Variants in ANKRD13C observed in about 807,000 individuals in gnomAD.
ANKRD13C encodes ankyrin repeat domain 13C.
In ANKRD13C, 16 loss-of-function variants were observed where a neutral mutation model predicts 65.5. The observed-to-expected ratio is 0.24, with a 90% CI of 0.17 to 0.37. ANKRD13C has a LOEUF of 0.37. ANKRD13C is among the 10% of genes least tolerant of loss of function. The probability of loss-of-function intolerance (pLI) is 1.00; values close to 1 mark genes in which losing one functional copy is unlikely to be tolerated. For synonymous variants in ANKRD13C, 235 were observed against 238.7 expected, an observed-to-expected ratio of 0.98 and a Z score of 0.14; for missense variants, 503 against 655.9, an observed-to-expected ratio of 0.77 and a Z score of 2.55.
intron 7 of ANKRD13C, among the ~76,000 whole-genome samples, chr1:70,296,660 A>G (rs1680092965): frequency 6.6e-6 from 1 of 152,214 alleles, no homozygotes; most frequent in African/African-American, 2.4e-5. Flanking sequence ...TTTTCTTTCA[A>G]TACAGATTAA....
intron 7 of ANKRD13C, 35 bp from the exon 8 acceptor site, chr1:70,296,296 A>C (rs758133461): frequency 3.2e-4 from 513 of 1,592,826 alleles, no homozygotes; most frequent in Non-Finnish European, 4.3e-4. Flanking sequence ...ATAAAAATCT[A>C]GGTTTTTCAA....
At chr1:70,280,022 C>G (rs938871403) in intron 9 of ANKRD13C, among the ~76,000 whole-genome samples, 4 of 152,016 alleles carry the variant, frequency 2.6e-5, no homozygotes, top group African/African-American at 7.3e-5. Context: ...GAGAAAGAAG[C>G]CTGAAAAAGC....
chr1:70,332,818 C>T (rs1205177833), intron 2 of ANKRD13C, among the ~76,000 whole-genome samples: 1 of 152,094 alleles, frequency 6.6e-6, no homozygotes, highest in Non-Finnish European at 1.5e-5. Context: ...CATAATAGTA[C>T]ATCTATCTAA....
At chr1:70,300,267 G>A (rs867442032) in intron 7 of ANKRD13C, among the ~76,000 whole-genome samples, 5 of 152,152 alleles carry the variant, frequency 3.3e-5, no homozygotes, top group African/African-American at 1.2e-4. Flanking sequence ...GACCGGTCAA[G>A]ATGGAGACCA....
intron 11 of ANKRD13C, 73 bp downstream of exon 11, chr1:70,274,647 G>T: frequency 8.9e-7 from 1 of 1,124,466 alleles, no homozygotes; most frequent in Non-Finnish European, 1.3e-6. Flanking sequence ...CACCACTGGG[G>T]TGCAAATATT....
chr1:70,294,114 A>G (rs1365746119), intron 8 of ANKRD13C, among the ~76,000 whole-genome samples: 1 of 152,206 alleles, frequency 6.6e-6, no homozygotes, highest in Admixed American at 6.5e-5. Flanking sequence ...TTTCTACGAC[A>G]TACTAAAGAA....
rs779822481 is a variant in ANKRD13C at position 70,274,736 on chromosome 1, G to T, written c.1378C>A (p.Pro460Thr). The T allele has an allele frequency of 6.2e-7, 1 of 1,612,234 alleles. No individual in the cohort carries two copies. Among genetic ancestry groups the T allele is most frequent in the South Asian group, 1.1e-5 (1 of 91,022 alleles). The change falls in exon 11 of 13, where the codon CCC becomes ACC. Residue 460 changes from proline (P) to threonine (T), a missense_variant. Physicochemically the swap from Pro to Thr is conservative, Grantham distance 38. Coordinates refer to ENST00000370944, the MANE Select transcript of ANKRD13C (RefSeq NM_030816.5). ...KATIAMSQEF[P>T]LGIELLLNVL... ...CAAACTTACAACTCTATCCCTAAGG[G>T]AAATTCCTGGCTCATGGCTATCGTA...
At chr1:70,346,102 G>A (rs774603527) in intron 1 of ANKRD13C, among the ~76,000 whole-genome samples, 52 of 152,116 alleles carry the variant, frequency 3.4e-4, no homozygotes, top group Non-Finnish European at 6.9e-4. Flanking sequence ...AAAGTGCTGG[G>A]ATTACAGGTG....
chr1:70,292,580 A>C, intron 8 of ANKRD13C, 31 bp from the exon 9 acceptor site: 1 of 1,528,512 alleles, frequency 6.5e-7, no homozygotes, highest in Non-Finnish European at 8.8e-7. Context: ...TAAAAGTAAA[A>C]TTTTTAGGTT....
At chr1:70,272,143 T>C (rs1285478582) in intron 11 of ANKRD13C, among the ~76,000 whole-genome samples, 1 of 151,884 alleles carries the variant, frequency 6.6e-6, no homozygotes, top group African/African-American at 2.4e-5. Context: ...TTGTTTTCTA[T>C]GGCATTTATA....
Position 70,334,675 on chromosome 1 carries a change from A to T in ANKRD13C, c.472+1383T>A, listed in dbSNP as rs190978710. Among the ~76,000 whole-genome samples the T allele has an allele frequency of 8.1e-4, 123 of 152,232 alleles. 1 individual carries two copies. Among genetic ancestry groups the T allele is most frequent in the South Asian group, 1.4e-3 (7 of 4,828 alleles). On this transcript the variant is annotated intron_variant, in intron 2 of 12. Coordinates refer to ENST00000370944, the MANE Select transcript of ANKRD13C (RefSeq NM_030816.5). ...CACGGTGGCTCATGCCTGTAATCCC[A>T]GCACTTTGTGAGGTCAAGGCGGGTG...
intron 9 of ANKRD13C, 135 bp downstream of exon 9, chr1:70,292,253 A>T: frequency 1.6e-6 from 1 of 614,290 alleles, no homozygotes; most frequent in Non-Finnish European, 2.5e-6. Context: ...AACGAAATGA[A>T]GATTCACAGA....
intron 1 of ANKRD13C, among the ~76,000 whole-genome samples, chr1:70,338,524 C>T (rs568755883): frequency 8.5e-5 from 13 of 152,092 alleles, no homozygotes; most frequent in Admixed American, 2.0e-4. Flanking sequence ...TTCAGCCTCC[C>T]GAGTAGCTGG....
At chr1:70,333,194 T>C (rs181557359) in intron 2 of ANKRD13C, among the ~76,000 whole-genome samples, 2 of 152,334 alleles carry the variant, frequency 1.3e-5, no homozygotes, top group Admixed American at 6.5e-5. Context: ...GAGATAATAA[T>C]AGTACTTCAC....
intron 11 of ANKRD13C, among the ~76,000 whole-genome samples, chr1:70,272,163 CT>C (rs369467004): frequency 0.023 from 3,219 of 139,120 alleles, 48 homozygotes; most frequent in Middle Eastern, 0.041. Flanking sequence ...AGGTAATTTT[CT>C]TTTTTTTTTT....
chr1:70,338,678 G>A (rs1275601389), intron 1 of ANKRD13C, among the ~76,000 whole-genome samples: 4 of 152,158 alleles, frequency 2.6e-5, no homozygotes, highest in Admixed American at 2.0e-4. Flanking sequence ...GGGATTACAG[G>A]CATGAGCCAC....
At chr1:70,335,972 A>G in intron 2 of ANKRD13C, 86 bp downstream of exon 2, 1 of 404,032 alleles carries the variant, frequency 2.5e-6, no homozygotes, top group Non-Finnish European at 4.3e-6. Flanking sequence ...GTTTTTAAAA[A>G]CTCAAAAGAC....
chr1:70,293,343 G>C (rs910235585), intron 8 of ANKRD13C, among the ~76,000 whole-genome samples: 1 of 151,808 alleles, frequency 6.6e-6, no homozygotes, highest in Non-Finnish European at 1.5e-5. Flanking sequence ...ATTTCTATCT[G>C]CATGCAAATC....
intron 5 of ANKRD13C, among the ~76,000 whole-genome samples, chr1:70,313,097 C>T (rs934485818): frequency 3.3e-5 from 5 of 152,184 alleles, no homozygotes; most frequent in Non-Finnish European, 5.9e-5. Flanking sequence ...AGATTTCAAA[C>T]GTCCTTAAAT....
Sources: gnomAD v4.1 joint callset for allele counts (sites outside exome capture counted in the v4.1 genomes callset) on GRCh38, gnomAD v4.1.1 for gene constraint, MANE v1.5 for transcripts, NCBI Gene and HGNC (gene_info 2026-07-23, HGNC 2026-07-21) for gene names.